FRMD4A: variants seen among roughly 807,000 people sequenced by gnomAD.
The protein encoded by FRMD4A is FERM domain-containing protein 4A.
A neutral mutation model predicts 129.1 loss-of-function variants in FRMD4A; 29 were observed. The observed-to-expected ratio is 0.22, with a 90% CI of 0.17 to 0.31. The LOEUF (loss-of-function observed/expected upper bound fraction) is 0.31, where lower values mean the gene tolerates loss of function less well. Ranked by LOEUF, FRMD4A falls within the 10% of genes least tolerant of loss-of-function variation. The probability of loss-of-function intolerance (pLI) is 1.00; values close to 1 mark genes in which losing one functional copy is unlikely to be tolerated. For missense variants in FRMD4A, 1,272 were observed against 1,375.8 expected (o/e 0.92, Z 1.19); for synonymous variants, 634 against 571.6 (o/e 1.11, Z -1.56).
chr10:13,994,123 C>G (rs1360933411), intron 2 of FRMD4A, among the ~76,000 whole-genome samples: 2 of 149,162 alleles, frequency 1.3e-5, no homozygotes, highest in Admixed American at 6.7e-5. Flanking sequence ...ATTCTGCTGT[C>G]TCAGCCTCCC....
Position 13,784,849 on chromosome 10 carries a change from G to A in FRMD4A, c.300-1843C>T, listed in dbSNP as rs575277121. Among the ~76,000 whole-genome samples the A allele has an allele frequency of 2.8e-4, 42 of 152,200 alleles. 1 individual carries two copies. In the South Asian group the frequency reaches 8.7e-3, roughly 32 times the overall value. ...CTACTAAAAATACAAAAATTAGCCAGGGGTGGGTGTGGGTGCCTGTAGTCC... is the reference window on the plus strand; with the variant it reads ...CTACTAAAAATACAAAAATTAGCCAAGGGTGGGTGTGGGTGCCTGTAGTCC... On this transcript the variant is annotated intron_variant, in intron 5 of 24. Coordinates refer to ENST00000357447, the MANE Select transcript of FRMD4A (RefSeq NM_018027.5).
At chr10:14,181,110 T>G (rs1281337160) in intron 2 of FRMD4A, among the ~76,000 whole-genome samples, 1 of 152,204 alleles carries the variant, frequency 6.6e-6, no homozygotes, top group African/African-American at 2.4e-5. Flanking sequence ...CTTCAGCAGT[T>G]CTTGCCTTTC....
chr10:14,008,690 C>G (rs2095670998), intron 2 of FRMD4A, among the ~76,000 whole-genome samples: 1 of 152,150 alleles, frequency 6.6e-6, no homozygotes, highest in Non-Finnish European at 1.5e-5. Flanking sequence ...AATGCAGAAT[C>G]CTACACTCTG....
intron 2 of FRMD4A, among the ~76,000 whole-genome samples, chr10:14,226,974 T>A (rs146668698): frequency 5.9e-5 from 9 of 152,222 alleles, no homozygotes; most frequent in Non-Finnish European, 1.3e-4. Context: ...ATGACCCTCC[T>A]ATAAAGTCAA....
chr10:13,691,923 T>G (rs2182404), intron 15 of FRMD4A, among the ~76,000 whole-genome samples: 120,376 of 152,098 alleles, frequency 0.79, 50,434 homozygotes, highest in Non-Finnish European at 0.92. Context: ...GGGGTCTTGG[T>G]CTTTGAATTT....
At chr10:14,219,603 TCA>T (rs375377492) in intron 2 of FRMD4A, among the ~76,000 whole-genome samples, 4 of 152,226 alleles carry the variant, frequency 2.6e-5, no homozygotes, top group African/African-American at 7.2e-5. Context: ...TTCTACTGAG[TCA>T]CAGTGCTCGG....
At chr10:14,313,368 T>C (rs999170719) in intron 2 of FRMD4A, among the ~76,000 whole-genome samples, 3 of 151,894 alleles carry the variant, frequency 2.0e-5, no homozygotes, top group Non-Finnish European at 4.4e-5. Flanking sequence ...GTCTCAGAAA[T>C]ACATAAATAA....
At chr10:14,171,870 G>A (rs548641401) in intron 2 of FRMD4A, among the ~76,000 whole-genome samples, 109 of 152,296 alleles carry the variant, frequency 7.2e-4, no homozygotes, top group African/African-American at 2.6e-3. Context: ...CCTCACCAAA[G>A]GGAGAAAATA....
At position 14,089,142 on chromosome 10, in the gene FRMD4A, T is replaced by C. The variant is rs1200352520; in HGVS notation, c.46-230230A>G. Among the ~76,000 whole-genome samples the C allele has an allele frequency of 5.9e-5, 9 of 151,968 alleles. No individual in the cohort carries two copies. In the East Asian group the frequency reaches 1.7e-3, roughly 29 times the overall value. On this transcript the variant is annotated intron_variant, in intron 2 of 24. Transcript: ENST00000357447. ...AAATCAGCTGGGAAAGTCGATGGAG[T>C]TTCCCAGCGCTTGAAGTCCATTGAC...
rs558551501 is a variant in FRMD4A at position 14,262,083 on chromosome 10, C to T, written c.45+67975G>A. Among the ~76,000 whole-genome samples the T allele has an allele frequency of 2.6e-5, 4 of 152,180 alleles. No individual in the cohort carries two copies. In the South Asian group the frequency reaches 8.3e-4, roughly 32 times the overall value. The stretch of plus-strand genomic sequence containing the variant: ...ATACTTCCTCTCCCTCTGTGCAATT[C>T]CAAAATTTGAAGAGCAATCTTTGAT... On this transcript the variant is annotated intron_variant, in intron 2 of 24. Coordinates refer to ENST00000357447, the MANE Select transcript of FRMD4A (RefSeq NM_018027.5).
chr10:14,184,080 C>T (rs1447312590), intron 2 of FRMD4A, among the ~76,000 whole-genome samples: 2 of 151,300 alleles, frequency 1.3e-5, no homozygotes, highest in Admixed American at 6.6e-5. Context: ...GATCACCAAG[C>T]GCTTACATCT....
intron 2 of FRMD4A, among the ~76,000 whole-genome samples, chr10:14,217,110 C>T (rs11819700): frequency 0.028 from 4,320 of 152,300 alleles, 190 homozygotes; most frequent in African/African-American, 0.098. Flanking sequence ...TTCAGTTATC[C>T]TTTTAGTTTA....
At chr10:13,807,546 A>T (rs55971696) in intron 4 of FRMD4A, among the ~76,000 whole-genome samples, 1 of 138,866 alleles carries the variant, frequency 7.2e-6, no homozygotes, top group African/African-American at 2.6e-5. Flanking sequence ...TAATGCTGCA[A>T]AACTGTTGAT....
rs1016332696 is a variant in FRMD4A at position 14,240,917 on chromosome 10, A to C, written c.45+89141T>G. Reference sequence around the variant, plus strand: ...CCCTTTCTCTTTAATGCACTTCAAAAAAAAAAAAAAAAATTCCGGGCAATT... The same window carrying C: ...CCCTTTCTCTTTAATGCACTTCAAACAAAAAAAAAAAAATTCCGGGCAATT... On this transcript the variant is annotated intron_variant, in intron 2 of 24. Coordinates refer to ENST00000357447, the MANE Select transcript of FRMD4A (RefSeq NM_018027.5). 6.0e-4 allele frequency among the ~76,000 whole-genome samples: 26 copies of C among 43,432 alleles called. 1 individual carries two copies. The Admixed American group carries it at 6.3e-3, about 11-fold the overall frequency. The allele number at this position is 43,432 out of a possible 152,430, so 28.5% of individuals were successfully genotyped here.
At chr10:13,918,077 C>G (rs2095030640) in intron 2 of FRMD4A, among the ~76,000 whole-genome samples, 1 of 152,242 alleles carries the variant, frequency 6.6e-6, no homozygotes, top group African/African-American at 2.4e-5. Context: ...CCTAAAACTG[C>G]TTTCTCTTCC....
intron 2 of FRMD4A, among the ~76,000 whole-genome samples, chr10:13,941,718 C>T (rs7069045): frequency 0.026 from 4,031 of 152,306 alleles, 179 homozygotes; most frequent in African/African-American, 0.091. Flanking sequence ...CAACAGTCTA[C>T]AGGACACATG....
At chr10:14,262,014 T>A (rs951125159) in intron 2 of FRMD4A, among the ~76,000 whole-genome samples, 1 of 151,256 alleles carries the variant, frequency 6.6e-6, no homozygotes, top group Non-Finnish European at 1.5e-5. Flanking sequence ...CCCCTCTCTC[T>A]GCTTCTCTGT....
chr10:13,851,102 A>G (rs1201976578), intron 3 of FRMD4A, among the ~76,000 whole-genome samples: 1 of 152,160 alleles, frequency 6.6e-6, no homozygotes, highest in African/African-American at 2.4e-5. Context: ...TAATCCCAGC[A>G]ACTCTGGAGG....
chr10:13,684,263 G>C (rs1368378716), intron 15 of FRMD4A: 1 of 933,982 alleles, frequency 1.1e-6, no homozygotes, highest in East Asian at 1.2e-4. Context: ...AAGACAAAAA[G>C]GGCTGACCCT....
Sources: allele counts gnomAD v4.1 joint callset (sites outside exome capture counted in the v4.1 genomes callset), GRCh38; gene constraint gnomAD v4.1.1; transcripts MANE v1.5; gene names NCBI Gene and HGNC (gene_info 2026-07-23, HGNC 2026-07-21).